Variants in LRTM1 observed in about 807,000 individuals in gnomAD.
LRTM1 encodes the protein leucine-rich repeat and transmembrane domain-containing protein 1.
LRTM1 carries 38 observed loss-of-function variants against 32.4 expected under a neutral mutation model. The ratio of observed to expected loss-of-function variants is 1.17; its 90% confidence interval spans 0.91 to 1.54. LRTM1 has a LOEUF of 1.54. Among genes scored for constraint, LRTM1 ranks in the 40% most tolerant of loss-of-function variants. The pLI is 0.00. For synonymous variants in LRTM1, 186 were observed against 169.9 expected (o/e 1.09, Z -0.74); for missense variants, 466 against 415.4 (o/e 1.12, Z -1.06).
At chr3:54,927,849 G>A in intron 1 of LRTM1, 56 bp downstream of exon 1, 3 of 1,587,774 alleles carry the variant, frequency 1.9e-6, no homozygotes, top group Non-Finnish European at 2.6e-6. Context: ...TTTGTGAGGG[G>A]ATACCATCTT....
At chr3:54,948,529 G>A (rs1307644337) in intron 1 of LRTM1, among the ~76,000 whole-genome samples, 2 of 151,300 alleles carry the variant, frequency 1.3e-5, no homozygotes, top group Non-Finnish European at 2.9e-5. Context: ...GTTTCACCAT[G>A]AGCACCTCTG....
intron 1 of LRTM1, among the ~76,000 whole-genome samples, chr3:54,955,562 C>G (rs373327902): frequency 5.3e-4 from 81 of 152,214 alleles, no homozygotes; most frequent in African/African-American, 1.9e-3. Context: ...GCTAGAGGAA[C>G]GTTGATTCTG....
intron 1 of LRTM1, among the ~76,000 whole-genome samples, chr3:54,939,146 A>C (rs1464693068): frequency 2.0e-5 from 3 of 152,220 alleles, no homozygotes. Context: ...TAAACTCTCA[A>C]GGCTGAATCC....
chr3:54,948,354 G>A (rs1006634655), intron 1 of LRTM1, among the ~76,000 whole-genome samples: 1 of 152,136 alleles, frequency 6.6e-6, no homozygotes, highest in Non-Finnish European at 1.5e-5. Flanking sequence ...CTTGATAATT[G>A]TCATTAGAAA....
At chr3:54,934,950 C>G (rs1701293263) in intron 1 of LRTM1, among the ~76,000 whole-genome samples, 1 of 152,162 alleles carries the variant, frequency 6.6e-6, no homozygotes, top group Non-Finnish European at 1.5e-5. Flanking sequence ...GTTGGCCAGG[C>G]TGGTCTCGAA....
chr3:54,918,246 C>G lies in LRTM1; in HGVS notation c.*213G>C. The G allele has an allele frequency of 1.9e-6, 1 of 533,938 alleles. No homozygotes were observed. 33.1% of individuals were successfully genotyped at this position (533,938 alleles called of 1,614,324 possible). A position where few individuals can be genotyped will look rare whatever the true frequency, so the allele number is the denominator to read the frequency against. On this transcript the variant is annotated 3_prime_UTR_variant, in exon 3 of 3. Coordinates refer to ENST00000273286, the MANE Select transcript of LRTM1 (RefSeq NM_020678.4). ...CTTCCCAGGCCCAGAGCACAAGTAT[C>G]ATCTTTATTTTACCTATAGTATTTT...
Position 54,945,816 on chromosome 3 carries a change from A to G in LRTM1, c.-221-20601T>C, listed in dbSNP as rs191839960. Among the ~76,000 whole-genome samples the G allele has an allele frequency of 3.3e-5, 5 of 152,210 alleles. No individual in the cohort carries two copies. The South Asian group carries it at 6.2e-4, about 19-fold the overall frequency. On this transcript the variant is annotated intron_variant, in intron 1 of 2. Coordinates refer to the LRTM1 transcript ENST00000493075. Reference sequence around the variant, plus strand: ...GCAGGGACCAGGCAGGGTTTGCAGCATGCAGAGAAGTTATTTCTGCCAGGT... The same window carrying G: ...GCAGGGACCAGGCAGGGTTTGCAGCGTGCAGAGAAGTTATTTCTGCCAGGT...
intron 1 of LRTM1, among the ~76,000 whole-genome samples, chr3:54,952,294 C>T (rs973065039): frequency 6.6e-6 from 1 of 152,190 alleles, no homozygotes; most frequent in Non-Finnish European, 1.5e-5. Flanking sequence ...ACTAAGCCCC[C>T]CAGGGCTCTG....
chr3:54,948,099 A>G (rs1223648621), intron 1 of LRTM1, among the ~76,000 whole-genome samples: 1 of 152,216 alleles, frequency 6.6e-6, no homozygotes, highest in Non-Finnish European at 1.5e-5. Context: ...TCACCCATCA[A>G]GTGCTCTCGA....
At chr3:54,955,107 G>C (rs1034120394) in intron 1 of LRTM1, among the ~76,000 whole-genome samples, 5 of 152,136 alleles carry the variant, frequency 3.3e-5, no homozygotes, top group Admixed American at 6.5e-5. Flanking sequence ...TCGAACGTAC[G>C]TAACATGGGG....
chr3:54,947,298 CA>C (rs1701640537), intron 1 of LRTM1, among the ~76,000 whole-genome samples: 1 of 152,074 alleles, frequency 6.6e-6, no homozygotes, highest in Non-Finnish European at 1.5e-5. Context: ...GACCAAGAAA[CA>C]GAAGAAAAGG....
intron 1 of LRTM1, among the ~76,000 whole-genome samples, chr3:54,957,812 C>T (rs774741289): frequency 2.0e-5 from 3 of 152,180 alleles, no homozygotes; most frequent in Non-Finnish European, 4.4e-5. Context: ...CCTACACAGT[C>T]CCCCAGACAC....
Position 54,939,599 on chromosome 3 carries a change from A to G in LRTM1, c.-221-14384T>C, listed in dbSNP as rs376713350. Reference sequence around the variant, plus strand: ...GCTGGGGCCGGAGGTGGGGAAAGCAAGGCATTTTGTGCAGAGAGTTAGCAA... The same window carrying G: ...GCTGGGGCCGGAGGTGGGGAAAGCAGGGCATTTTGTGCAGAGAGTTAGCAA... On this transcript the variant is annotated intron_variant, in intron 1 of 2. Transcript: ENST00000493075. 8.3e-4 allele frequency among the ~76,000 whole-genome samples: 127 copies of G among 152,336 alleles called. 2 individuals carry two copies. The South Asian group carries it at 0.026, about 31-fold the overall frequency.
rs530440106 is a variant in LRTM1, at chr3:54,946,559, G to A, written c.-222+20369C>T. ...TTAGAAACAGCCCTTCCAGTGGAAA[G>A]TTTGACTTAACGAAGAAGAGCAGGT... On this transcript the variant is annotated intron_variant, in intron 1 of 2. Coordinates refer to the LRTM1 transcript ENST00000493075. Among the ~76,000 whole-genome samples the A allele has an allele frequency of 3.9e-5, 6 of 152,274 alleles. No individual in the cohort carries two copies. The East Asian group carries it at 9.7e-4, about 25-fold the overall frequency.
At chr3:54,923,622 A>G (rs1001392564) in intron 2 of LRTM1, among the ~76,000 whole-genome samples, 2 of 152,230 alleles carry the variant, frequency 1.3e-5, no homozygotes, top group Non-Finnish European at 2.9e-5. Flanking sequence ...AGGCACTGCC[A>G]TCTTCTCAGT....
At chr3:54,919,229 T>G (rs983063355) in intron 2 of LRTM1, among the ~76,000 whole-genome samples, 2 of 152,220 alleles carry the variant, frequency 1.3e-5, no homozygotes, top group Non-Finnish European at 2.9e-5. Flanking sequence ...AGCTGCCCAC[T>G]GCATTCGTGC....
chr3:54,966,968 G>C (rs1010082315), exon 1 of LRTM1: 1 of 152,204 alleles, frequency 6.6e-6, no homozygotes, highest in African/African-American at 2.4e-5. Flanking sequence ...CTGGAGGCAG[G>C]GGTCCAGCAG....
At chr3:54,964,551 C>T (rs1000183555) in intron 1 of LRTM1, among the ~76,000 whole-genome samples, 42 of 152,110 alleles carry the variant, frequency 2.8e-4, no homozygotes, top group African/African-American at 8.4e-4. Flanking sequence ...ACAAAATAGA[C>T]GGGCTTGACA....
chr3:54,918,335 T>TTTTC lies in LRTM1; in HGVS notation c.*123_*124insGAAA. On this transcript the variant is annotated 3_prime_UTR_variant, in exon 3 of 3. Coordinates refer to ENST00000273286, the MANE Select transcript of LRTM1 (RefSeq NM_020678.4). ...TACAGACACATCTTTTTTTTTTCTTTTTTTTTTTTTTTTTTTTTTTGTCTT... is the reference window on the plus strand; with the variant it reads ...TACAGACACATCTTTTTTTTTTCTTTTTTCTTTTTTTTTTTTTTTTTTTTGTCTT... 2 of 125,064 alleles carry TTTTC rather than the reference T, an allele frequency of 1.6e-5. No homozygotes were observed. Among genetic ancestry groups the TTTTC allele is most frequent in the African/African-American group, 9.8e-5 (2 of 20,406 alleles). 7.7% of individuals were successfully genotyped at this position (125,064 alleles called of 1,614,324 possible).
Sources: allele counts gnomAD v4.1 joint callset (sites outside exome capture counted in the v4.1 genomes callset), GRCh38; gene constraint gnomAD v4.1.1; transcripts MANE v1.5; gene names NCBI Gene and HGNC (gene_info 2026-07-23, HGNC 2026-07-21).